The following TMEM132D variants were observed in gnomAD, a reference collection of about 807,000 sequenced individuals.
The protein encoded by TMEM132D is mature OL transmembrane protein.
A neutral mutation model predicts 62.3 loss-of-function variants in TMEM132D; 21 were observed. That is an observed-to-expected ratio of 0.34 (90% CI 0.24 to 0.49). TMEM132D has a LOEUF of 0.49. Ranked by LOEUF, TMEM132D falls within the 20% of genes least tolerant of loss-of-function variation. The probability of loss-of-function intolerance (pLI) is 0.99; values close to 1 mark genes in which losing one functional copy is unlikely to be tolerated. For missense variants in TMEM132D, 1,346 were observed against 1,402.8 expected (o/e 0.96, Z 0.65); for synonymous variants, 621 against 575.6 (o/e 1.08, Z -1.13).
At chr12:129,544,268 G>C (rs985598538) in intron 2 of TMEM132D, among the ~76,000 whole-genome samples, 1 of 152,048 alleles carries the variant, frequency 6.6e-6, no homozygotes, top group Non-Finnish European at 1.5e-5. Context: ...TTTCCCTGTT[G>C]CTTTCTTAGT....
intron 4 of TMEM132D, among the ~76,000 whole-genome samples, chr12:129,270,680 G>A (rs1880830349): frequency 1.3e-5 from 2 of 152,016 alleles, no homozygotes; most frequent in African/African-American, 4.8e-5. Flanking sequence ...CCAAGAGAAT[G>A]GCTGTATCAG....
intron 3 of TMEM132D, among the ~76,000 whole-genome samples, chr12:129,349,020 A>T (rs1869782323): frequency 6.6e-6 from 1 of 152,212 alleles, no homozygotes; most frequent in African/African-American, 2.4e-5. Flanking sequence ...GGACAGATGG[A>T]CAAGTCCATG....
chr12:129,290,994 C>T (rs745946316), intron 4 of TMEM132D, among the ~76,000 whole-genome samples: 4 of 152,064 alleles, frequency 2.6e-5, no homozygotes, highest in Admixed American at 6.5e-5. Flanking sequence ...AGTATAGTGT[C>T]GAAGGTTTCA....
chr12:129,663,960 CTGTT>C, intron 2 of TMEM132D, among the ~76,000 whole-genome samples: 1 of 152,152 alleles, frequency 6.6e-6, no homozygotes, highest in South Asian at 2.1e-4. Context: ...AACAAAATCA[CTGTT>C]TGGGGGCTCT....
At chr12:129,179,416 C>G (rs1362486054) in intron 5 of TMEM132D, among the ~76,000 whole-genome samples, 1 of 151,946 alleles carries the variant, frequency 6.6e-6, no homozygotes. Context: ...GTTTGGGAGC[C>G]AAGAGACAGG....
At chr12:129,259,314 C>T (rs1332906038) in intron 4 of TMEM132D, among the ~76,000 whole-genome samples, 3 of 152,172 alleles carry the variant, frequency 2.0e-5, no homozygotes, top group Non-Finnish European at 4.4e-5. Context: ...TGGGTGACAT[C>T]TGAGCTGTTG....
At chr12:129,098,565 G>T (rs903312234) in intron 5 of TMEM132D, among the ~76,000 whole-genome samples, 1 of 152,154 alleles carries the variant, frequency 6.6e-6, no homozygotes, top group African/African-American at 2.4e-5. Flanking sequence ...CTTCACAACA[G>T]CCCTGTGAGG....
chr12:129,082,108 G>A (rs2135617124), intron 6 of TMEM132D, 76 bp from the exon 7 acceptor site: 1 of 1,514,392 alleles, frequency 6.6e-7, no homozygotes. Flanking sequence ...GAGCCTGGTG[G>A]GGGCTGCAGA....
rs761487240 is a variant in TMEM132D at position 129,078,707 on chromosome 12, C to G, written c.1942G>C (p.Asp648His). The G allele has an allele frequency of 1.2e-6, 2 of 1,613,966 alleles. No individual in the cohort carries two copies. Among genetic ancestry groups the G allele is most frequent in the East Asian group, 4.5e-5 (2 of 44,890 alleles). ...ATGGTCTTTTCAGCGAGGATGGTGT[C>G]TGACAGAGGAGACAGGATCTGGAGG... ...TTIQILSPLSDTILAEKTITV... is the reference protein window; with the variant it reads ...TTIQILSPLSHTILAEKTITV... Residue 648 changes from aspartate to histidine, a missense_variant, in exon 8 of 9, where the codon GAC becomes CAC. Coordinates refer to ENST00000422113, the MANE Select transcript of TMEM132D (RefSeq NM_133448.3).
intron 3 of TMEM132D, among the ~76,000 whole-genome samples, chr12:129,348,195 C>T (rs1339718458): frequency 2.0e-5 from 3 of 152,126 alleles, no homozygotes; most frequent in Admixed American, 1.3e-4. Flanking sequence ...CCCAGCAATC[C>T]CATTACTGGG....
chr12:129,624,404 T>A (rs999431706), intron 2 of TMEM132D, among the ~76,000 whole-genome samples: 4 of 152,190 alleles, frequency 2.6e-5, no homozygotes, highest in African/African-American at 9.7e-5. Context: ...GAAGAGCCAA[T>A]TCAAAGACAT....
At chr12:129,546,773 C>A (rs1245234931) in intron 2 of TMEM132D, among the ~76,000 whole-genome samples, 1 of 151,606 alleles carries the variant, frequency 6.6e-6, no homozygotes, top group African/African-American at 2.4e-5. Context: ...CGTACTCCAG[C>A]CTGGGCAACA....
chr12:129,625,573 C>T (rs537118360), intron 2 of TMEM132D, among the ~76,000 whole-genome samples: 13 of 152,312 alleles, frequency 8.5e-5, no homozygotes, highest in South Asian at 4.1e-4. Flanking sequence ...TCTAGGCTGA[C>T]GATATGCTCA....
At chr12:129,080,225 C>G (rs1431467854) in intron 7 of TMEM132D, among the ~76,000 whole-genome samples, 1 of 152,220 alleles carries the variant, frequency 6.6e-6, no homozygotes. Flanking sequence ...AGACTTCCAG[C>G]TTTTCTGGAA....
chr12:129,605,403 C>T (rs1351806), intron 2 of TMEM132D, among the ~76,000 whole-genome samples: 49,940 of 151,154 alleles, frequency 0.33, 8,640 homozygotes, highest in Admixed American at 0.44. Context: ...AAATCTCTCA[C>T]GTTATATGGA....
rs533344858 is a variant in TMEM132D, at chr12:129,814,465, C to A, written c.79+88796G>T. On this transcript the variant is annotated intron_variant, in intron 1 of 8. Transcript: ENST00000422113. ...CTCTACTAAAAATACAAAAAATTTA[C>A]CTGGGCTTGGTGGTGAGCACCTGTA... Among the ~76,000 whole-genome samples, 246 of 151,564 alleles carry A rather than the reference C, an allele frequency of 1.6e-3. 2 individuals carry two copies. Among genetic ancestry groups the A allele is most frequent in the Admixed American group, 4.0e-3 (61 of 15,196 alleles).
chr12:129,712,194 G>A (rs1454442224), intron 1 of TMEM132D, among the ~76,000 whole-genome samples: 1 of 151,920 alleles, frequency 6.6e-6, no homozygotes, highest in Admixed American at 6.6e-5. Context: ...GCGTGATCTC[G>A]GCTCACTGCA....
intron 1 of TMEM132D, among the ~76,000 whole-genome samples, chr12:129,729,182 A>G (rs1869136378): frequency 6.6e-6 from 1 of 152,128 alleles, no homozygotes; most frequent in South Asian, 2.1e-4. Context: ...CCTCATTTGT[A>G]TTACCTGTTT....
rs546093813 is a variant in TMEM132D, at chr12:129,820,830, C to T, written c.79+82431G>A. Among the ~76,000 whole-genome samples the T allele has an allele frequency of 4.6e-5, 7 of 152,330 alleles. No individual in the cohort carries two copies. The East Asian group carries it at 1.4e-3, about 29-fold the overall frequency. Reference sequence around the variant, plus strand: ...CCTCAAACTCGTGGGCTCAAGCCATCCTCCTGCCTTGGCCTCCCACGTAGC... The same window carrying T: ...CCTCAAACTCGTGGGCTCAAGCCATTCTCCTGCCTTGGCCTCCCACGTAGC... On this transcript the variant is annotated intron_variant, in intron 1 of 8. Coordinates refer to ENST00000422113, the MANE Select transcript of TMEM132D (RefSeq NM_133448.3).
Sources: gnomAD v4.1 joint callset for allele counts (sites outside exome capture counted in the v4.1 genomes callset) on GRCh38, gnomAD v4.1.1 for gene constraint, MANE v1.5 for transcripts, NCBI Gene and HGNC (gene_info 2026-07-23, HGNC 2026-07-21) for gene names.